Variants in ATL3 observed in about 807,000 individuals in gnomAD.
The protein encoded by ATL3 is atlastin-3.
A neutral mutation model predicts 69.5 loss-of-function variants in ATL3; 49 were observed. That is an observed-to-expected ratio of 0.71 (90% confidence interval 0.56 to 0.89). The LOEUF (loss-of-function observed/expected upper bound fraction) is 0.89, where lower values mean the gene tolerates loss of function less well. Among genes scored for constraint, ATL3 ranks in the 40% least tolerant of loss-of-function variants. The pLI, the probability that ATL3 is intolerant of heterozygous loss-of-function variation, is 0.00. For synonymous variants in ATL3, 214 were observed against 224.1 expected, an observed-to-expected ratio of 0.95 and a Z score of 0.40; for missense variants, 606 against 645.7, an observed-to-expected ratio of 0.94 and a Z score of 0.67.
chr11:63,626,224 A>C lies in ATL3; in HGVS notation c.*3095T>G, dbSNP rs1352358133. 1 of 152,220 alleles carries C rather than the reference A, an allele frequency of 6.6e-6. No individual in the cohort carries two copies. The highest frequency in any genetic ancestry group is 2.4e-5 in the African/African-American group (1 of 41,416). 9.4% of individuals were successfully genotyped at this position (152,220 alleles called of 1,614,324 possible). On this transcript the variant is annotated 3_prime_UTR_variant, in exon 13 of 13. Transcript: ENST00000398868. ...GCAAAACCCCACCTCTAGTAAAAAA[A>C]CAAAAATTAGCCAGGCGTGGTGGTG...
chr11:63,653,675 A>T (rs1940150437), intron 3 of ATL3, among the ~76,000 whole-genome samples: 1 of 152,250 alleles, frequency 6.6e-6, no homozygotes, highest in African/African-American at 2.4e-5. Flanking sequence ...GAAATGAACT[A>T]TCAAGACACG....
At chr11:63,655,769 T>C (rs907874775) in intron 3 of ATL3, among the ~76,000 whole-genome samples, 2 of 151,912 alleles carry the variant, frequency 1.3e-5, no homozygotes, top group Admixed American at 6.6e-5. Flanking sequence ...GAACATCTTG[T>C]GGAACAACTT....
intron 5 of ATL3, among the ~76,000 whole-genome samples, chr11:63,649,014 A>G (rs879331949): frequency 3.9e-5 from 6 of 151,974 alleles, no homozygotes; most frequent in Non-Finnish European, 8.8e-5. Flanking sequence ...CCAGCTACTC[A>G]GGAGGCTAAG....
chr11:63,631,888 A>C (rs1939331960), intron 11 of ATL3, among the ~76,000 whole-genome samples: 1 of 152,206 alleles, frequency 6.6e-6, no homozygotes, highest in African/African-American at 2.4e-5. Context: ...AGGCTGAGGC[A>C]GGAGAACCGC....
At chr11:63,667,736 C>A (rs1301419299) in intron 1 of ATL3, among the ~76,000 whole-genome samples, 2 of 150,256 alleles carry the variant, frequency 1.3e-5, no homozygotes, top group Non-Finnish European at 3.0e-5. Flanking sequence ...TGCACTCCAG[C>A]CTGGGTGACA....
At chr11:63,638,183 T>C (rs1009217006) in intron 8 of ATL3, among the ~76,000 whole-genome samples, 8 of 152,152 alleles carry the variant, frequency 5.3e-5, no homozygotes, top group African/African-American at 1.9e-4. Flanking sequence ...ACCAAAATAA[T>C]AGTTTTAAAA....
At chr11:63,629,720 A>C (rs1939242014) in intron 12 of ATL3, among the ~76,000 whole-genome samples, 1 of 152,174 alleles carries the variant, frequency 6.6e-6, no homozygotes, top group Non-Finnish European at 1.5e-5. Context: ...TGACCATGTC[A>C]ATGTCCAAGA....
chr11:63,636,426 T>C, intron 8 of ATL3, 92 bp from the exon 9 acceptor site: 2 of 1,526,058 alleles, frequency 1.3e-6, no homozygotes, highest in Non-Finnish European at 1.8e-6. Context: ...AGTCTAGTGC[T>C]TTTAACATTG....
In ATL3 at chr11:63,644,190, T is replaced by C. The variant is rs1167596764; in HGVS notation, c.690A>G (p.Ala230=). The change falls in exon 7 of 13, where the codon GCA becomes GCG. Residue 230 remains alanine, a synonymous_variant. Coordinates refer to ENST00000398868, the MANE Select transcript of ATL3 (RefSeq NM_015459.5). The part of the protein sequence containing the change: ...EYSYGLQGGM[A]FLDKRLQVKE... ...TTACCTGTAAACGCTTATCCAAAAA[T>C]GCCATTCCTCCTTGGAGTCCATAGC... The C allele has an allele frequency of 5.0e-6, 8 of 1,609,774 alleles. No homozygotes were observed. Among genetic ancestry groups the C allele is most frequent in the Non-Finnish European group, 6.8e-6 (8 of 1,177,676 alleles).
At chr11:63,652,129 G>A (rs1230999579) in intron 4 of ATL3, 143 bp from the exon 5 acceptor site, 1 of 1,395,016 alleles carries the variant, frequency 7.2e-7, no homozygotes. Flanking sequence ...AATATGATCT[G>A]TCTTTTGGAA....
chr11:63,669,395 C>T (rs1036439936), intron 1 of ATL3, among the ~76,000 whole-genome samples: 8 of 151,168 alleles, frequency 5.3e-5, no homozygotes, highest in Admixed American at 4.0e-4. Flanking sequence ...ATTACCCAGG[C>T]GCGGTGGAGG....
At chr11:63,644,035 T>C in intron 7 of ATL3, 134 bp downstream of exon 7, 1 of 619,622 alleles carries the variant, frequency 1.6e-6, no homozygotes, top group South Asian at 2.1e-5. Flanking sequence ...AATATTAGCT[T>C]GTGTTAAGAT....
chr11:63,639,999 G>C lies in ATL3; in HGVS notation c.850+3358C>G, dbSNP rs148482677. Among the ~76,000 whole-genome samples, 1,393 of 151,864 alleles carry C rather than the reference G, an allele frequency of 9.2e-3. 14 individuals are homozygous for C. Among genetic ancestry groups the C allele is most frequent in the African/African-American group, 0.032 (1,305 of 41,402 alleles). On this transcript the variant is annotated intron_variant, in intron 8 of 12. Transcript: ENST00000398868. ...GCTGGAGTACAATGGCGCGATCTCA[G>C]CTCACTGCAACCTCCACCTCCCGGG...
intron 8 of ATL3, among the ~76,000 whole-genome samples, chr11:63,637,146 G>A (rs1014781066): frequency 1.3e-5 from 2 of 151,842 alleles, no homozygotes; most frequent in South Asian, 2.1e-4. Context: ...GGGTGGTGGC[G>A]GGCACCTGTA....
upstream of ATL3, chr11:63,671,505 C>G: frequency 1.4e-6 from 2 of 1,445,926 alleles, no homozygotes; most frequent in Non-Finnish European, 1.8e-6. Context: ...GCAGCGCGGT[C>G]TGCGTGGCCC....
intron 1 of ATL3, among the ~76,000 whole-genome samples, chr11:63,660,241 C>T (rs986286774): frequency 3.3e-5 from 5 of 152,084 alleles, no homozygotes; most frequent in African/African-American, 9.7e-5. Flanking sequence ...GGACCCACAT[C>T]CAGCATCAAC....
In ATL3 at chr11:63,626,326, G is replaced by C. The variant is rs963389565; in HGVS notation, c.*2993C>G. 1 of 152,210 alleles carries C rather than the reference G, an allele frequency of 6.6e-6. No homozygotes were observed. Among genetic ancestry groups the C allele is most frequent in the African/African-American group, 2.4e-5 (1 of 41,392 alleles). 9.4% of individuals were successfully genotyped at this position (152,210 alleles called of 1,614,324 possible). ...ACCTGGGAGGTGGAGGTTGCAGTGA[G>C]CGAGATTGCACCACTGCACTCCAAC... On this transcript the variant is annotated 3_prime_UTR_variant, in exon 13 of 13. Coordinates refer to ENST00000398868, the MANE Select transcript of ATL3 (RefSeq NM_015459.5).
rs180861717 is a variant in ATL3 at position 63,624,616 on chromosome 11, G to C, written c.*4703C>G. ...AAGATTTGGGGGTTCAAGTCACAGT[G>C]CTGAATTTTACTTTTTAAAAGAAAA... is the stretch of plus-strand genomic sequence containing the variant. On this transcript the variant is annotated 3_prime_UTR_variant, in exon 13 of 13. Transcript: ENST00000398868. The C allele has an allele frequency of 6.6e-6, 1 of 152,230 alleles. No homozygotes were observed. Among genetic ancestry groups the C allele is most frequent in the East Asian group, 1.9e-4 (1 of 5,194 alleles). The allele number at this position is 152,230 out of a possible 1,614,324, so 9.4% of individuals were successfully genotyped here.
In ATL3 at chr11:63,643,457, T is replaced by C; in HGVS notation, c.750A>G (p.Arg250=). 1 of 1,612,954 alleles carries C rather than the reference T, an allele frequency of 6.2e-7. No individual in the cohort carries two copies. Among genetic ancestry groups the C allele is most frequent in the Non-Finnish European group, 8.5e-7 (1 of 1,179,504 alleles). ...EHQHEEIQNV[R]NHIHSCFSDV... ...CGGAGAAACATGAGTGAATGTGATT[T>C]CGAACATTCTGAATTTCTTCATGTT... The change falls in exon 8 of 13, where the codon CGA becomes CGG. Residue 250 remains arginine (R), a synonymous_variant. Coordinates refer to ENST00000398868, the MANE Select transcript of ATL3 (RefSeq NM_015459.5).
Sources: gnomAD v4.1 joint callset for allele counts (sites outside exome capture counted in the v4.1 genomes callset) on GRCh38, gnomAD v4.1.1 for gene constraint, MANE v1.5 for transcripts, NCBI Gene and HGNC (gene_info 2026-07-23, HGNC 2026-07-21) for gene names.